Variants in CEP44 observed in about 807,000 individuals in gnomAD.
The protein encoded by CEP44 is centrosomal protein 44, also known as centrosomal protein of 44 kDa.
Under a neutral mutation model 46.7 loss-of-function variants are expected in CEP44, and 45 were observed. That is an observed-to-expected ratio of 0.96 (90% CI 0.76 to 1.24). CEP44 has a LOEUF of 1.24. Among genes scored for constraint, CEP44 ranks in the 50% most tolerant of loss-of-function variants. The probability of loss-of-function intolerance (pLI) is 0.00; values close to 1 mark genes in which losing one functional copy is unlikely to be tolerated. For synonymous variants in CEP44, 142 were observed against 146.0 expected (o/e 0.97, Z 0.20); for missense variants, 475 against 459.7 (o/e 1.03, Z -0.30).
chr4:174,310,850 T>C lies in CEP44; in HGVS notation c.953T>C (p.Leu318Pro). Reference sequence around the variant, plus strand: ...GCTTCTTGTAGTGACATGGACCTTCTGAATCCTCGTAAGTTTGTAAATACT... The same window carrying C: ...GCTTCTTGTAGTGACATGGACCTTCCGAATCCTCGTAAGTTTGTAAATACT... The part of the protein sequence containing the change: ...DYASCSDMDL[L>P]NPHRKSEVER... The change falls in exon 9 of 12, where the codon CTG becomes CCG. Residue 318 changes from leucine (L) to proline (P), a missense_variant. Leu to Pro is a moderately conservative substitution (Grantham distance 98). Coordinates refer to ENST00000503780, the MANE Select transcript of CEP44 (RefSeq NM_001040157.3). The surrounding 1 kb of genome is among the most constrained non-coding windows in gnomAD (Gnocchi z 4.2). The C allele has an allele frequency of 6.9e-7, 1 of 1,455,778 alleles. No individual in the cohort carries two copies. Among genetic ancestry groups the C allele is most frequent in the East Asian group, 2.3e-5 (1 of 43,374 alleles). The allele number at this position is 1,455,778 out of a possible 1,614,324, so 90.2% of individuals were successfully genotyped here. A position where few individuals can be genotyped will look rare whatever the true frequency, so the allele number is the denominator to read the frequency against.
chr4:174,295,316 G>A (rs1225636193), intron 1 of CEP44, among the ~76,000 whole-genome samples: 1 of 151,360 alleles, frequency 6.6e-6, no homozygotes, highest in Non-Finnish European at 1.5e-5. Flanking sequence ...ACGGGGTCGC[G>A]GCCGGGTAGA....
downstream of CEP44, among the ~76,000 whole-genome samples, chr4:174,320,531 A>C (rs886568582): frequency 6.3e-5 from 1 of 15,916 alleles, no homozygotes; most frequent in African/African-American, 2.2e-4. Flanking sequence ...CAAACTGATC[A>C]GCGTGGAAGG....
intron 6 of CEP44, among the ~76,000 whole-genome samples, chr4:174,305,806 A>C (rs1740323561): frequency 6.6e-6 from 1 of 152,206 alleles, no homozygotes; most frequent in Admixed American, 6.5e-5. Flanking sequence ...AGCACTTATT[A>C]ATTATTTATT....
intron 6 of CEP44, among the ~76,000 whole-genome samples, chr4:174,308,463 T>C (rs187000712): frequency 4.6e-4 from 70 of 151,922 alleles, no homozygotes; most frequent in African/African-American, 1.6e-3. Flanking sequence ...ACAAAACACA[T>C]TGGAGCCTTT....
chr4:174,323,844 C>T (rs1050411708), downstream of CEP44, among the ~76,000 whole-genome samples: 9 of 152,096 alleles, frequency 5.9e-5, no homozygotes, highest in Non-Finnish European at 1.5e-5. Context: ...TCAGCTTGAA[C>T]TGGACAAGAG....
intron 1 of CEP44, among the ~76,000 whole-genome samples, chr4:174,291,787 C>CTT (rs56201469): frequency 0.081 from 3,755 of 46,344 alleles, 656 homozygotes; most frequent in Non-Finnish European, 0.096. Flanking sequence ...TTTTTCTTTT[C>CTT]TTTTTTTTTT....
At chr4:174,303,636 G>T in intron 4 of CEP44, 67 bp from the exon 5 acceptor site, 1 of 1,002,000 alleles carries the variant, frequency 1.0e-6, no homozygotes, top group Non-Finnish European at 1.5e-6. Context: ...GACCAGGTGG[G>T]CATTATCATT....
At chr4:174,328,204 C>T (rs1349242251) in intron 8 of CEP44, among the ~76,000 whole-genome samples, 4 of 152,068 alleles carry the variant, frequency 2.6e-5, no homozygotes, top group Non-Finnish European at 2.9e-5. Context: ...ACATTTCCAC[C>T]AAGAAGTAGG....
Position 174,329,516 on chromosome 4 carries a change from A to G in CEP44, c.1087-1966A>G, listed in dbSNP as rs1449143865. Among the ~76,000 whole-genome samples, 1 of 152,190 alleles carries G rather than the reference A, an allele frequency of 6.6e-6. No individual in the cohort carries two copies. Among genetic ancestry groups the G allele is most frequent in the Non-Finnish European group, 1.5e-5 (1 of 68,034 alleles). On this transcript the variant is annotated intron_variant, in intron 8 of 8. Coordinates refer to the CEP44 transcript ENST00000426172. The surrounding 1 kb of genome is among the most constrained non-coding windows in gnomAD (Gnocchi z 4.0). ...AGTTATAAAAGTTATAAAGTTGTCA[A>G]TGTTGAAATATATTTGGTATTTTAG...
chr4:174,312,330 G>A lies in CEP44; in HGVS notation c.961+1472G>A, dbSNP rs1422593188. On this transcript the variant is annotated intron_variant, in intron 9 of 11. Transcript: ENST00000503780. This position sits in a 1 kb window ranked among gnomAD's most constrained non-coding sequence, Gnocchi z 4.5. ...GTGGTCTTACTCTGCTGCTCAGGCT[G>A]GAGTGCAGTGGTGCAATCATAGCTC... Among the ~76,000 whole-genome samples, 1 of 151,546 alleles carries A rather than the reference G, an allele frequency of 6.6e-6. No homozygotes were observed. Among genetic ancestry groups the A allele is most frequent in the East Asian group, 1.9e-4 (1 of 5,182 alleles).
chr4:174,323,488 C>T (rs765910952), downstream of CEP44, among the ~76,000 whole-genome samples: 5 of 152,026 alleles, frequency 3.3e-5, no homozygotes, highest in Non-Finnish European at 5.9e-5. Flanking sequence ...AAGCCAATCA[C>T]TGAGACAATG....
rs1318878775 is a variant in CEP44 at position 174,329,418 on chromosome 4, A to G, written c.1087-2064A>G. ...AAAAGTTGTTAGCACTTTCCCTCTT[A>G]GTACAGTTTTAAGTTGGTTTTACAT... is the stretch of plus-strand genomic sequence containing the variant. On this transcript the variant is annotated intron_variant, in intron 8 of 8. Coordinates refer to the CEP44 transcript ENST00000426172. The surrounding 1 kb of genome is among the most constrained non-coding windows in gnomAD (Gnocchi z 4.0). Among the ~76,000 whole-genome samples the G allele has an allele frequency of 6.6e-6, 1 of 152,186 alleles. No individual in the cohort carries two copies. Among genetic ancestry groups the G allele is most frequent in the African/African-American group, 2.4e-5 (1 of 41,458 alleles).
intron 1 of CEP44, 94 bp downstream of exon 1, chr4:174,284,037 C>T (rs1737253111): frequency 7.5e-6 from 3 of 399,270 alleles, no homozygotes; most frequent in Admixed American, 8.8e-5. Context: ...CGACTGGTTG[C>T]GGGAGGCTGG....
At chr4:174,327,348 TGTTAGGAAG>T (rs1742745907) in intron 8 of CEP44, among the ~76,000 whole-genome samples, 1 of 151,732 alleles carries the variant, frequency 6.6e-6, no homozygotes, top group East Asian at 1.9e-4. Flanking sequence ...ACCATCTTCG[TGTTAGGAAG>T]ACTCAATACA....
Position 174,331,463 on chromosome 4 carries a change from T to G in CEP44, c.1087-19T>G. 1 of 1,550,904 alleles carries G rather than the reference T, an allele frequency of 6.4e-7. No homozygotes were observed. Among genetic ancestry groups the G allele is most frequent in the Non-Finnish European group, 8.7e-7 (1 of 1,146,568 alleles). On this transcript the variant is annotated intron_variant, in intron 8 of 8. Transcript: ENST00000426172. The surrounding 1 kb of genome is among the most constrained non-coding windows in gnomAD (Gnocchi z 4.5). ...ATTTAGATCATATTTTAATGTATAA[T>G]TTTGTGTTTCCTTTCTAGAATTTTC... is the stretch of plus-strand genomic sequence containing the variant.
chr4:174,313,300 C>T (rs1299869393), intron 9 of CEP44, among the ~76,000 whole-genome samples: 1 of 151,496 alleles, frequency 6.6e-6, no homozygotes, highest in African/African-American at 2.4e-5. Flanking sequence ...TGTTAATTGC[C>T]AGACAGGGCA....
rs1731302987 is a variant in CEP44 at position 174,331,176 on chromosome 4, A to G, written c.1087-306A>G. On this transcript the variant is annotated intron_variant, in intron 8 of 8. Coordinates refer to the CEP44 transcript ENST00000426172. This position sits in a 1 kb window ranked among gnomAD's most constrained non-coding sequence, Gnocchi z 4.5. ...AATTAGATCTCATAATTATGTTACCAATTTTTTAATTAAAGTAAGACAATT... is the reference window on the plus strand; with the variant it reads ...AATTAGATCTCATAATTATGTTACCGATTTTTTAATTAAAGTAAGACAATT... 6.6e-6 allele frequency among the ~76,000 whole-genome samples: 1 copy of G among 151,992 alleles called. No individual in the cohort carries two copies. The highest frequency in any genetic ancestry group is 2.4e-5 in the African/African-American group (1 of 41,394).
rs1196140593 is a variant in CEP44, at chr4:174,287,389, G to A, written c.-148+3446G>A. ...GGATCTAAGACTTATTTGAGGTGGT[G>A]ACATTTAAGCAGGATGCCGAGGGGT... On this transcript the variant is annotated intron_variant, in intron 1 of 11. Transcript: ENST00000503780. This position sits in a 1 kb window ranked among gnomAD's most constrained non-coding sequence, Gnocchi z 5.1. Among the ~76,000 whole-genome samples the A allele has an allele frequency of 1.3e-5, 2 of 152,134 alleles. No homozygotes were observed. Among genetic ancestry groups the A allele is most frequent in the Admixed American group, 1.3e-4 (2 of 15,280 alleles).
intron 9 of CEP44, among the ~76,000 whole-genome samples, chr4:174,313,514 C>T (rs978197079): frequency 6.6e-6 from 1 of 151,980 alleles, no homozygotes; most frequent in Admixed American, 6.5e-5. Flanking sequence ...GAGTTTATCC[C>T]AGAGTCGTAG....
Sources: gnomAD v4.1 joint callset for allele counts (sites outside exome capture counted in the v4.1 genomes callset) on GRCh38, gnomAD v4.1.1 for gene constraint, Gnocchi (gnomAD v3.1) non-coding constraint, MANE v1.5 for transcripts, NCBI Gene and HGNC (gene_info 2026-07-23, HGNC 2026-07-21) for gene names.